Variants in RHOA observed in about 807,000 individuals in gnomAD.
RHOA encodes the protein transforming protein RhoA.
A neutral mutation model predicts 17.5 loss-of-function variants in RHOA; 3 were observed. The observed-to-expected ratio is 0.17, with a 90% CI of 0.08 to 0.44. The LOEUF is 0.44. Ranked by LOEUF, RHOA falls within the 20% of genes least tolerant of loss-of-function variation. The probability of loss-of-function intolerance (pLI) is 0.99; values close to 1 mark genes in which losing one functional copy is unlikely to be tolerated. For synonymous variants in RHOA, 98 were observed against 88.4 expected, an observed-to-expected ratio of 1.11 and a Z score of -0.61; for missense variants, 56 against 242.3, an observed-to-expected ratio of 0.23 and a Z score of 5.10.
chr3:49,398,373 A>C (rs970108980), intron 1 of RHOA, among the ~76,000 whole-genome samples: 1 of 152,030 alleles, frequency 6.6e-6, no homozygotes, highest in African/African-American at 2.4e-5. Flanking sequence ...TAAGATCTAA[A>C]CCAGGGCTGA....
chr3:49,362,887 G>A (rs2047993370), intron 3 of RHOA, among the ~76,000 whole-genome samples: 1 of 152,164 alleles, frequency 6.6e-6, no homozygotes, highest in Admixed American at 6.5e-5. Flanking sequence ...GGGCTCTGGA[G>A]GAGCAAAAGA....
At chr3:49,389,091 C>CTTTGGG (rs1163686326) in intron 1 of RHOA, among the ~76,000 whole-genome samples, 309 of 152,238 alleles carry the variant, frequency 2.0e-3, no homozygotes, top group Admixed American at 4.8e-3. Flanking sequence ...CCTGTAATCC[C>CTTTGGG]AGCACTTTGG....
Position 49,381,954 on chromosome 3 carries a change from G to A in RHOA, c.-2-6363C>T, listed in dbSNP as rs575922299. On this transcript the variant is annotated intron_variant, in intron 1 of 4. Coordinates refer to ENST00000418115, the MANE Select transcript of RHOA (RefSeq NM_001664.4). ...TAATCCCATCTACTCAGGAGGCTGAGGTGGGAAGACAGCTAGAGTCCAGAG... is the reference window on the plus strand; with the variant it reads ...TAATCCCATCTACTCAGGAGGCTGAAGTGGGAAGACAGCTAGAGTCCAGAG... Among the ~76,000 whole-genome samples, 57 of 152,112 alleles carry A rather than the reference G, an allele frequency of 3.7e-4. No individual in the cohort carries two copies. The South Asian group carries it at 6.0e-3, about 16-fold the overall frequency.
intron 1 of RHOA, among the ~76,000 whole-genome samples, chr3:49,400,466 A>C (rs2048704784): frequency 6.6e-6 from 1 of 152,066 alleles, no homozygotes; most frequent in Admixed American, 6.6e-5. Context: ...GGCTACTCTA[A>C]ATTCTTCTTT....
At position 49,359,402 on chromosome 3, in the gene RHOA, C is replaced by A. The variant is rs766638054; in HGVS notation, c.*807G>T. 6.9e-5 allele frequency: 13 copies of A among 187,784 alleles called. No homozygotes were observed. The highest frequency in any genetic ancestry group is 1.0e-4 in the Non-Finnish European group (9 of 88,938). The allele number at this position is 187,784 out of a possible 1,614,324, so 11.6% of individuals were successfully genotyped here. A position where few individuals can be genotyped will look rare whatever the true frequency, so the allele number is the denominator to read the frequency against. ...GTGAAACCAATTCCTATTTACTTAGCCCAGCTCCATGGGGTACTGAGATAC... is the reference window on the plus strand; with the variant it reads ...GTGAAACCAATTCCTATTTACTTAGACCAGCTCCATGGGGTACTGAGATAC... On this transcript the variant is annotated 3_prime_UTR_variant, in exon 5 of 5. Transcript: ENST00000418115.
intron 2 of RHOA, among the ~76,000 whole-genome samples, chr3:49,371,423 G>T (rs1029591012): frequency 6.6e-6 from 1 of 151,814 alleles, no homozygotes; most frequent in Non-Finnish European, 1.5e-5. Flanking sequence ...GGGATTACAA[G>T]TGCCTGCCAC....
At chr3:49,375,624 G>A (rs2107850493) in intron 1 of RHOA, 33 bp from the exon 2 acceptor site, 2 of 1,604,716 alleles carry the variant, frequency 1.2e-6, no homozygotes, top group Middle Eastern at 1.7e-4. Flanking sequence ...TACCTGCAAT[G>A]CACAAGAAGT....
intron 1 of RHOA, among the ~76,000 whole-genome samples, chr3:49,404,457 C>CACACACACACACACACACACACACACAA (rs1447646944): frequency 6.8e-6 from 1 of 146,876 alleles, no homozygotes; most frequent in Admixed American, 6.9e-5. Context: ...CACACACACA[C>CACACACACACACACACACACACACACAA]AAAATTAGCC....
intron 1 of RHOA, among the ~76,000 whole-genome samples, chr3:49,395,439 G>A (rs77260534): frequency 2.0e-5 from 3 of 152,098 alleles, no homozygotes; most frequent in Admixed American, 6.6e-5. Flanking sequence ...GGCCGGGCAC[G>A]GCTGTTCACA....
intron 1 of RHOA, 108 bp from the exon 2 acceptor site, chr3:49,375,699 C>A: frequency 8.4e-7 from 1 of 1,189,134 alleles, no homozygotes; most frequent in South Asian, 1.6e-5. Flanking sequence ...TATTAGCATA[C>A]TCAAATTCAA....
intron 1 of RHOA, among the ~76,000 whole-genome samples, chr3:49,378,012 G>A (rs1000151172): frequency 6.6e-6 from 1 of 151,348 alleles, no homozygotes; most frequent in Admixed American, 6.6e-5. Flanking sequence ...AGCCGGGTGT[G>A]GTGGTGGGCA....
chr3:49,387,740 CAAAA>C (rs747822212), intron 1 of RHOA, among the ~76,000 whole-genome samples: 1 of 62,966 alleles, frequency 1.6e-5, no homozygotes, highest in East Asian at 4.7e-4. Context: ...CTCCAGGTCT[CAAAA>C]AAAAAAAACA....
At chr3:49,370,619 G>A (rs138213216) in intron 2 of RHOA, among the ~76,000 whole-genome samples, 7 of 152,122 alleles carry the variant, frequency 4.6e-5, no homozygotes, top group Admixed American at 2.6e-4. Context: ...AATGCATCAC[G>A]TAAGGTGAGA....
intron 1 of RHOA, among the ~76,000 whole-genome samples, chr3:49,411,265 T>C (rs767621043): frequency 1.3e-5 from 2 of 152,166 alleles, no homozygotes; most frequent in Admixed American, 6.5e-5. Context: ...AAGCGTTCAA[T>C]ACAATCTTTT....
At chr3:49,361,748 G>A (rs986212538) in intron 4 of RHOA, among the ~76,000 whole-genome samples, 2 of 152,154 alleles carry the variant, frequency 1.3e-5, no homozygotes, top group African/African-American at 4.8e-5. Flanking sequence ...AGGCGTGGTG[G>A]CACATGCCTG....
chr3:49,383,367 C>T (rs560690195), intron 1 of RHOA, among the ~76,000 whole-genome samples: 1 of 149,084 alleles, frequency 6.7e-6, no homozygotes, highest in African/African-American at 2.5e-5. Flanking sequence ...TTGCAGTGAG[C>T]TGAGATCACA....
intron 2 of RHOA, among the ~76,000 whole-genome samples, 180 bp downstream of exon 2, chr3:49,375,254 C>T (rs562178497): frequency 6.6e-6 from 1 of 150,478 alleles, no homozygotes; most frequent in East Asian, 1.9e-4. Context: ...AATGAGACTC[C>T]GTCTCCAAAA....
chr3:49,388,884 C>T (rs1559509262), intron 1 of RHOA, among the ~76,000 whole-genome samples: 1 of 152,264 alleles, frequency 6.6e-6, no homozygotes, highest in East Asian at 1.9e-4. Context: ...CAGTGGAGTA[C>T]TACTCAGCAA....
Position 49,365,961 on chromosome 3 carries a change from A to G in RHOA, c.277+2467T>C, listed in dbSNP as rs372197683. Among the ~76,000 whole-genome samples, 41 of 152,226 alleles carry G rather than the reference A, an allele frequency of 2.7e-4. No individual in the cohort carries two copies. In the East Asian group the frequency reaches 3.3e-3, roughly 12 times the overall value. On this transcript the variant is annotated intron_variant, in intron 3 of 4. Coordinates refer to ENST00000418115, the MANE Select transcript of RHOA (RefSeq NM_001664.4). ...TACCAACTACTGGGTGGGGACTGAG[A>G]TGGGAGGATTGTTTGAGCCCAGGAG...
Sources: allele counts gnomAD v4.1 joint callset (sites outside exome capture counted in the v4.1 genomes callset), GRCh38; gene constraint gnomAD v4.1.1; transcripts MANE v1.5; gene names NCBI Gene and HGNC (gene_info 2026-07-23, HGNC 2026-07-21).